Variants in COL28A1 observed in about 807,000 individuals in gnomAD.
COL28A1 encodes the protein collagen alpha-1(XXVIII) chain.
In COL28A1, 161 loss-of-function variants were observed where a neutral mutation model predicts 150.2. That is an observed-to-expected ratio of 1.07 (90% CI 0.94 to 1.22). COL28A1 has a LOEUF of 1.22. COL28A1 is among the 50% of genes most tolerant of loss of function. The pLI, the probability that COL28A1 is intolerant of heterozygous loss-of-function variation, is 0.00. For synonymous variants in COL28A1, 552 were observed against 469.7 expected, an observed-to-expected ratio of 1.18 and a Z score of -2.26; for missense variants, 1,617 against 1,388.3, an observed-to-expected ratio of 1.16 and a Z score of -2.62.
At position 7,482,164 on chromosome 7, in the gene COL28A1, AG is replaced by A. The variant is rs374155221; in HGVS notation, c.1165-4985del. On this transcript the variant is annotated intron_variant, in intron 13 of 34. Coordinates refer to ENST00000399429, the MANE Select transcript of COL28A1 (RefSeq NM_001037763.3). ...AATTCAGGCAAAGAAACAAAAGCAA[AG>A]GACTTTCAGTAGAATCTTTGTCAGC... Among the ~76,000 whole-genome samples, 265 of 152,338 alleles carry A rather than the reference AG, an allele frequency of 1.7e-3. 2 individuals are homozygous for A. The highest frequency in any genetic ancestry group is 5.9e-3 in the African/African-American group (246 of 41,576).
chr7:7,415,086 T>C (rs1783994085), intron 27 of COL28A1, among the ~76,000 whole-genome samples: 1 of 152,190 alleles, frequency 6.6e-6, no homozygotes, highest in South Asian at 2.1e-4. Flanking sequence ...GCAACTAAGT[T>C]AGGTTGAAGC....
At chr7:7,372,956 C>T in intron 32 of COL28A1, 42 bp downstream of exon 32, 1 of 1,542,866 alleles carries the variant, frequency 6.5e-7, no homozygotes, top group African/African-American at 1.4e-5. Context: ...CTTAGAGGAA[C>T]AACATAAATG....
At chr7:7,450,299 A>C (rs1241291314) in intron 18 of COL28A1, among the ~76,000 whole-genome samples, 2 of 152,202 alleles carry the variant, frequency 1.3e-5, no homozygotes, top group Non-Finnish European at 2.9e-5. Flanking sequence ...TTTTAAAAAC[A>C]AAACACTAAA....
chr7:7,377,720 G>A (rs1188190739), intron 30 of COL28A1, among the ~76,000 whole-genome samples: 1 of 151,180 alleles, frequency 6.6e-6, no homozygotes, highest in Non-Finnish European at 1.5e-5. Flanking sequence ...TGATCCCTAG[G>A]CAGAGAAGAG....
At chr7:7,532,020 GGAGA>G in intron 2 of COL28A1, 116 bp from the exon 3 acceptor site, 1 of 619,664 alleles carries the variant, frequency 1.6e-6, no homozygotes, top group Non-Finnish European at 2.9e-6. Context: ...AGCAGCGTGA[GGAGA>G]GAAAGAGAGA....
At chr7:7,487,336 G>A (rs1362088373) in intron 13 of COL28A1, among the ~76,000 whole-genome samples, 1 of 152,086 alleles carries the variant, frequency 6.6e-6, no homozygotes, top group Non-Finnish European at 1.5e-5. Flanking sequence ...CCATTACTTT[G>A]GGAGGCAGAG....
At chr7:7,456,943 G>A (rs1361418717) in intron 15 of COL28A1, among the ~76,000 whole-genome samples, 1 of 152,192 alleles carries the variant, frequency 6.6e-6, no homozygotes, top group Non-Finnish European at 1.5e-5. Flanking sequence ...CTGACGAGAG[G>A]GAATGAGCCA....
At chr7:7,385,193 T>C (rs1782108583) in intron 27 of COL28A1, among the ~76,000 whole-genome samples, 1 of 152,234 alleles carries the variant, frequency 6.6e-6, no homozygotes, top group Non-Finnish European at 1.5e-5. Context: ...CACACTTTGG[T>C]ATAAATTTGT....
At chr7:7,499,315 A>G (rs1470496086) in intron 11 of COL28A1, among the ~76,000 whole-genome samples, 1 of 152,212 alleles carries the variant, frequency 6.6e-6, no homozygotes, top group Non-Finnish European at 1.5e-5. Context: ...CTATACACTG[A>G]GCAGTCACAA....
intron 25 of COL28A1, among the ~76,000 whole-genome samples, chr7:7,422,023 T>C (rs1186596810): frequency 6.6e-6 from 1 of 152,182 alleles, no homozygotes; most frequent in Non-Finnish European, 1.5e-5. Flanking sequence ...CACTCCTTTC[T>C]TGAGTACCTA....
chr7:7,350,909 C>A, the COL28A1 span, among the ~76,000 whole-genome samples: 4 of 152,042 alleles, frequency 2.6e-5, no homozygotes, highest in Admixed American at 6.6e-5. Flanking sequence ...AGTTTAAGGG[C>A]AAATTTGAAG....
At position 7,521,955 on chromosome 7, in the gene COL28A1, G is replaced by A. The variant is rs767217186; in HGVS notation, c.709C>T (p.Arg237Cys). The A allele has an allele frequency of 1.9e-5, 20 of 1,065,326 alleles. No individual in the cohort carries two copies. The highest frequency in any genetic ancestry group is 7.5e-5 in the South Asian group (6 of 80,250). The allele number at this position is 1,065,326 out of a possible 1,614,324, so 66.0% of individuals were successfully genotyped here. A position where few individuals can be genotyped will look rare whatever the true frequency, so the allele number is the denominator to read the frequency against. Residue 237 changes from arginine to cysteine, a missense_variant, in exon 5 of 35, where the codon CGC becomes TGC. Physicochemically the swap from Arg to Cys is radical, Grantham distance 180. Transcript: ENST00000399429. ...CCCTTCTCACATTCACAAATCTTGCGTTCACACTGAATCAATAATGAAATA... is the reference window on the plus strand; with the variant it reads ...CCCTTCTCACATTCACAAATCTTGCATTCACACTGAATCAATAATGAAATA... ...LDILFEKKCE[R>C]KICECEKGDP... is the part of the protein sequence containing the mutation.
chr7:7,529,656 C>T (rs1187402021), intron 3 of COL28A1, among the ~76,000 whole-genome samples: 1 of 152,214 alleles, frequency 6.6e-6, no homozygotes, highest in African/African-American at 2.4e-5. Context: ...ATATGAACAA[C>T]CTGAGCCTAC....
At chr7:7,445,630 C>G (rs545990385) in intron 18 of COL28A1, among the ~76,000 whole-genome samples, 1 of 152,018 alleles carries the variant, frequency 6.6e-6, no homozygotes, top group Non-Finnish European at 1.5e-5. Context: ...GTAATAAATC[C>G]TTTAAAATGT....
chr7:7,429,324 T>G (rs376500835), intron 25 of COL28A1, among the ~76,000 whole-genome samples: 12 of 152,138 alleles, frequency 7.9e-5, no homozygotes, highest in Admixed American at 2.6e-4. Flanking sequence ...ATTTTCAGAA[T>G]TTCCCGTACT....
At position 7,360,275 on chromosome 7, in the gene COL28A1, C is replaced by T. The variant is rs568798943; in HGVS notation, c.3205+115G>A. On this transcript the variant is annotated intron_variant, in intron 34 of 34. Transcript: ENST00000399429. Reference sequence around the variant, plus strand: ...ATTTTCTCTCTGGGTAACCCTGTGCCTTCCTCACATTGTAGATACAGTAGC... The same window carrying T: ...ATTTTCTCTCTGGGTAACCCTGTGCTTTCCTCACATTGTAGATACAGTAGC... The T allele has an allele frequency of 2.2e-5, 23 of 1,047,010 alleles. No homozygotes were observed. The African/African-American group carries it at 3.5e-4, about 16-fold the overall frequency. The allele number at this position is 1,047,010 out of a possible 1,614,324, so 64.9% of individuals were successfully genotyped here.
chr7:7,451,470 C>T (rs764389122), intron 18 of COL28A1, among the ~76,000 whole-genome samples: 23 of 152,082 alleles, frequency 1.5e-4, no homozygotes, highest in African/African-American at 4.6e-4. Context: ...GTGATCCACC[C>T]GCCTTGGCCT....
At chr7:7,474,862 C>T (rs112482920) in intron 14 of COL28A1, among the ~76,000 whole-genome samples, 193 bp from the exon 15 acceptor site, 127 of 152,216 alleles carry the variant, frequency 8.3e-4, no homozygotes, top group African/African-American at 2.9e-3. Flanking sequence ...TTAGTCATAA[C>T]ACTTAAACAA....
At chr7:7,531,008 G>A (rs922641307) in intron 3 of COL28A1, among the ~76,000 whole-genome samples, 1 of 152,126 alleles carries the variant, frequency 6.6e-6, no homozygotes, top group African/African-American at 2.4e-5. Flanking sequence ...CTCAAGTTGA[G>A]CACAACCTGA....
Sources: allele counts gnomAD v4.1 joint callset (sites outside exome capture counted in the v4.1 genomes callset), GRCh38; gene constraint gnomAD v4.1.1; transcripts MANE v1.5; gene names NCBI Gene and HGNC (gene_info 2026-07-23, HGNC 2026-07-21).